Variants in DRC1 observed in about 807,000 individuals in gnomAD.
The protein encoded by DRC1 is dynein regulatory complex subunit 1, also known as dynein regulatory complex protein 1.
A neutral mutation model predicts 98.7 loss-of-function variants in DRC1; 74 were observed. The observed-to-expected ratio is 0.75, with a 90% CI of 0.62 to 0.91. The LOEUF is 0.91. DRC1 is among the 40% of genes least tolerant of loss of function. The probability of loss-of-function intolerance (pLI) is 0.00; values close to 1 mark genes in which losing one functional copy is unlikely to be tolerated. For synonymous variants in DRC1, 336 were observed against 334.1 expected (o/e 1.01, Z -0.06); for missense variants, 875 against 886.0 (o/e 0.99, Z 0.16).
At chr2:26,424,148 G>C in intron 3 of DRC1, 123 bp from the exon 4 acceptor site, 2 of 1,119,802 alleles carry the variant, frequency 1.8e-6, no homozygotes. Flanking sequence ...TTTTGGGCGG[G>C]TGTGTTTGGG....
intron 7 of DRC1, among the ~76,000 whole-genome samples, chr2:26,439,523 A>G (rs1052507546): frequency 1.3e-5 from 2 of 152,176 alleles, no homozygotes; most frequent in Non-Finnish European, 2.9e-5. Flanking sequence ...ATGGAAATCC[A>G]AAAAGTAAGG....
intron 2 of DRC1, among the ~76,000 whole-genome samples, chr2:26,419,061 A>G (rs1220319447): frequency 6.6e-6 from 1 of 151,054 alleles, no homozygotes; most frequent in East Asian, 1.9e-4. Flanking sequence ...GCTAAGTTTT[A>G]TATTTTTAGT....
At chr2:26,443,914 T>TG (rs1290771719) in intron 8 of DRC1, among the ~76,000 whole-genome samples, 2 of 152,172 alleles carry the variant, frequency 1.3e-5, no homozygotes, top group East Asian at 3.8e-4. Context: ...GGTATGGGTA[T>TG]GGGCATTCTG....
At chr2:26,453,286 C>T (rs1664053565) in intron 13 of DRC1, 34 bp from the exon 14 acceptor site, 1 of 1,611,944 alleles carries the variant, frequency 6.2e-7, no homozygotes. Flanking sequence ...CTCGTGTGTC[C>T]CCAGCCCACA....
At chr2:26,414,541 G>T in intron 2 of DRC1, 110 bp downstream of exon 2, 2 of 954,180 alleles carry the variant, frequency 2.1e-6, no homozygotes, top group Non-Finnish European at 1.6e-6. Flanking sequence ...GCTGTCTCTA[G>T]GCAGAACTGA....
At chr2:26,435,328 A>G (rs34273039) in intron 7 of DRC1, among the ~76,000 whole-genome samples, 4,976 of 152,306 alleles carry the variant, frequency 0.033, 177 homozygotes, top group Non-Finnish European at 0.039. Context: ...ATGTTTTGCC[A>G]TTAGTCTTGG....
rs1558438467 is a variant in DRC1, at chr2:26,418,744, A to ATATAAATTATATATAATTTATATAAT, written c.244-2544_244-2543insTATAAATTATATATAATTTATATAAT. On this transcript the variant is annotated intron_variant, in intron 2 of 16. Transcript: ENST00000288710. Reference sequence around the variant, plus strand: ...TATAAATTATATTTAATTTATATATAATATAAATTATATTTTTATATATTA... The same window carrying ATATAAATTATATATAATTTATATAAT: ...TATAAATTATATTTAATTTATATATATATAAATTATATATAATTTATATAATATATAAATTATATTTTTATATATTA... 5.0e-4 allele frequency among the ~76,000 whole-genome samples: 50 copies of ATATAAATTATATATAATTTATATAAT among 100,210 alleles called. 1 individual carries two copies. Among genetic ancestry groups the ATATAAATTATATATAATTTATATAAT allele is most frequent in the African/African-American group, 1.9e-3 (48 of 25,040 alleles). The allele number at this position is 100,210 out of a possible 152,430, so 65.7% of individuals were successfully genotyped here.
intron 2 of DRC1, among the ~76,000 whole-genome samples, chr2:26,417,991 T>G (rs929096093): frequency 1.7e-4 from 26 of 152,094 alleles, no homozygotes; most frequent in African/African-American, 6.3e-4. Context: ...TTTTCTTCCC[T>G]TATTGCATTA....
intron 1 of DRC1, among the ~76,000 whole-genome samples, chr2:26,405,507 G>C (rs562639949): frequency 6.6e-6 from 1 of 152,162 alleles, no homozygotes; most frequent in South Asian, 2.1e-4. Context: ...AAGAATAATA[G>C]ATGTGGCACC....
At chr2:26,430,227 T>A (rs1663397079) in intron 5 of DRC1, among the ~76,000 whole-genome samples, 1 of 151,966 alleles carries the variant, frequency 6.6e-6, no homozygotes, top group South Asian at 2.1e-4. Context: ...CAAAGGGGAG[T>A]GCTGCATAGG....
At chr2:26,405,653 C>CTTTTTT (rs10601492) in intron 1 of DRC1, among the ~76,000 whole-genome samples, 64 of 53,578 alleles carry the variant, frequency 1.2e-3, no homozygotes, top group East Asian at 4.1e-3. Flanking sequence ...AAGGCTATAT[C>CTTTTTT]TTTTTTTTTT....
At position 26,444,230 on chromosome 2, in the gene DRC1, A is replaced by C; in HGVS notation, c.1037A>C (p.Asp346Ala). Residue 346 changes from aspartate to alanine, a missense_variant, in exon 9 of 17, where the codon GAT (aspartate) becomes GCT (alanine). By Grantham distance (126) the Asp-to-Ala change is moderately radical (BLOSUM62 -2). Transcript: ENST00000288710. ...QQKRKINRLH[D>A]ILNNLRSKYA... ...TTTTCTCCTTCAACCAGCCTGCATG[A>C]TATACTTAACAATCTGAGATCAAAA... 1 of 1,614,144 alleles carries C rather than the reference A, an allele frequency of 6.2e-7. No homozygotes were observed.
intron 2 of DRC1, among the ~76,000 whole-genome samples, chr2:26,420,679 G>A (rs528006572): frequency 1.3e-5 from 2 of 152,002 alleles, no homozygotes; most frequent in African/African-American, 4.8e-5. Flanking sequence ...CTAGCCAAAC[G>A]CAGTGGCTTT....
chr2:26,422,856 G>A (rs1393713568), intron 3 of DRC1, among the ~76,000 whole-genome samples: 2 of 151,084 alleles, frequency 1.3e-5, no homozygotes, highest in East Asian at 1.9e-4. Context: ...GGAGGTGGAC[G>A]TTGTAGTGAG....
rs756179456 is a variant in DRC1, at chr2:26,448,770, C to T, written c.1476C>T (p.Thr492=). The stretch of plus-strand genomic sequence containing the variant: ...CGAAGCAAATTTCTGAAAAAACTAC[C>T]AAGAGGATCCTGATGCTCCTGTGTG... ...DLPKQISEKT[T]KRILMLLCDE... is the part of the protein sequence containing the mutation. Residue 492 remains threonine, a synonymous_variant, in exon 11 of 17, where the codon ACC becomes ACT. Transcript: ENST00000288710. 6.2e-7 allele frequency: 1 copy of T among 1,614,206 alleles called. No homozygotes were observed. Among genetic ancestry groups the T allele is most frequent in the Non-Finnish European group, 8.5e-7 (1 of 1,180,044 alleles).
chr2:26,411,211 G>A (rs1419285470), intron 1 of DRC1, among the ~76,000 whole-genome samples: 1 of 152,180 alleles, frequency 6.6e-6, no homozygotes, highest in African/African-American at 2.4e-5. Context: ...CTACACTGCT[G>A]AACAACAGAA....
intron 13 of DRC1, 89 bp from the exon 14 acceptor site, chr2:26,453,231 A>G: frequency 6.6e-7 from 1 of 1,505,774 alleles, no homozygotes; most frequent in South Asian, 1.3e-5. Context: ...CTTTCTGTAA[A>G]CTTTTCTGGT....
intron 4 of DRC1, among the ~76,000 whole-genome samples, chr2:26,426,369 T>TA (rs1002740456): frequency 2.0e-5 from 3 of 146,404 alleles, no homozygotes; most frequent in African/African-American, 8.2e-5. Flanking sequence ...TGTTTTTGTT[T>TA]ATTTTTTTTT....
intron 16 of DRC1, 121 bp from the exon 17 acceptor site, chr2:26,456,340 T>C: frequency 1.6e-6 from 2 of 1,227,932 alleles, no homozygotes; most frequent in Non-Finnish European, 2.3e-6. Flanking sequence ...ATCTCTCAGC[T>C]TTGGAGAGGA....
Sources: allele counts gnomAD v4.1 joint callset (sites outside exome capture counted in the v4.1 genomes callset), GRCh38; gene constraint gnomAD v4.1.1; transcripts MANE v1.5; gene names NCBI Gene and HGNC (gene_info 2026-07-23, HGNC 2026-07-21).